SLC6A3: variants seen among roughly 807,000 people sequenced by gnomAD.
The protein encoded by SLC6A3 is sodium-dependent dopamine transporter.
SLC6A3 carries 19 observed loss-of-function variants against 70.4 expected under a neutral mutation model. The ratio of observed to expected loss-of-function variants is 0.27; its 90% CI spans 0.19 to 0.40. The LOEUF (loss-of-function observed/expected upper bound fraction) is 0.40. Among genes scored for constraint, SLC6A3 ranks in the 10% least tolerant of loss-of-function variants. SLC6A3 has a pLI of 1.00. For synonymous variants in SLC6A3, 368 were observed against 356.6 expected, an observed-to-expected ratio of 1.03 and a Z score of -0.36; for missense variants, 613 against 838.5, an observed-to-expected ratio of 0.73 and a Z score of 3.32.
At chr5:1,444,347 C>T (rs910106774) in intron 1 of SLC6A3, among the ~76,000 whole-genome samples, 1 of 152,086 alleles carries the variant, frequency 6.6e-6, no homozygotes, top group East Asian at 1.9e-4. Flanking sequence ...TTCAGTCGAG[C>T]GCACGCACAC....
chr5:1,431,738 G>A (rs460007), intron 4 of SLC6A3, among the ~76,000 whole-genome samples: 47,040 of 150,936 alleles, frequency 0.31, 8,203 homozygotes, highest in East Asian at 0.52. Context: ...GCTGGGGTGG[G>A]CAGTGAGGAA....
Position 1,414,666 on chromosome 5 carries a change from C to A in SLC6A3, c.1156+25G>T, listed in dbSNP as rs759252208. ...CGGCGCTGGTGCTACACGGAGCAGG[C>A]CCAGGTGCAGCAGGAGGGGCTCACC... is the stretch of plus-strand genomic sequence containing the variant. On this transcript the variant is annotated intron_variant, in intron 8 of 14. Transcript: ENST00000270349. 13 of 1,610,894 alleles carry A rather than the reference C, an allele frequency of 8.1e-6. No homozygotes were observed. The Admixed American group carries it at 2.2e-4, about 27-fold the overall frequency.
chr5:1,443,356 C>G (rs1733727809), intron 1 of SLC6A3, 114 bp from the exon 2 acceptor site: 1 of 840,266 alleles, frequency 1.2e-6, no homozygotes, highest in Admixed American at 1.9e-5. Context: ...GGGCATTCCT[C>G]TGGGAAGGGA....
chr5:1,431,048 G>T (rs956917639), intron 4 of SLC6A3, among the ~76,000 whole-genome samples: 1 of 152,036 alleles, frequency 6.6e-6, no homozygotes, highest in African/African-American at 2.4e-5. Flanking sequence ...CACTGGATCT[G>T]GGGAGAATCG....
chr5:1,410,337 C>T (rs1363654652), intron 9 of SLC6A3, among the ~76,000 whole-genome samples: 4 of 152,204 alleles, frequency 2.6e-5, no homozygotes, highest in Non-Finnish European at 5.9e-5. Context: ...ACCTTCTTCA[C>T]CTTGCTCGGT....
intron 3 of SLC6A3, 71 bp from the exon 4 acceptor site, chr5:1,432,769 TC>T: frequency 9.7e-7 from 1 of 1,027,466 alleles, no homozygotes; most frequent in Non-Finnish European, 1.5e-6. Flanking sequence ...ACGTGTCCCT[TC>T]CACCTCCCCT....
chr5:1,440,835 G>C (rs1390526073), intron 3 of SLC6A3, among the ~76,000 whole-genome samples: 1 of 152,216 alleles, frequency 6.6e-6, no homozygotes, highest in East Asian at 1.9e-4. Context: ...TGGACTTCCA[G>C]CCTCCAGAGC....
chr5:1,403,131 C>T (rs773128525), intron 12 of SLC6A3, 42 bp from the exon 13 acceptor site: 29 of 1,603,666 alleles, frequency 1.8e-5, no homozygotes, highest in Non-Finnish European at 2.0e-5. Flanking sequence ...TCTCAGCCGG[C>T]GGTGCCAGGA....
rs997101088 is a variant in SLC6A3 at position 1,406,647 on chromosome 5, C to T, written c.1499-359G>A. On this transcript the variant is annotated intron_variant, in intron 11 of 14. Coordinates refer to ENST00000270349, the MANE Select transcript of SLC6A3 (RefSeq NM_001044.5). This position sits in a 1 kb window ranked among gnomAD's most constrained non-coding sequence, Gnocchi z 8.8. ...CACTTAAAAAGATTATGGTAAAATA[C>T]ACATAACATAAAACTTACCATTTTA... is the stretch of plus-strand genomic sequence containing the variant. 3.3e-5 allele frequency among the ~76,000 whole-genome samples: 5 copies of T among 152,280 alleles called. No homozygotes were observed. The East Asian group carries it at 9.6e-4, about 29-fold the overall frequency.
chr5:1,432,182 C>T (rs556238947), intron 4 of SLC6A3, among the ~76,000 whole-genome samples: 1 of 152,144 alleles, frequency 6.6e-6, no homozygotes, highest in African/African-American at 2.4e-5. Context: ...TCCCCATCAG[C>T]CCCCTCCCAC....
At chr5:1,424,110 G>T (rs187971326) in intron 4 of SLC6A3, among the ~76,000 whole-genome samples, 1 of 152,218 alleles carries the variant, frequency 6.6e-6, no homozygotes, top group Non-Finnish European at 1.5e-5. Context: ...CCTGGAGGGC[G>T]CCCAGGCAGA....
intron 10 of SLC6A3, 101 bp downstream of exon 10, chr5:1,409,620 T>G: frequency 2.9e-6 from 4 of 1,389,672 alleles, no homozygotes; most frequent in Non-Finnish European, 4.1e-6. Context: ...TCCCTGGAAG[T>G]GCTGCGGTTC....
At chr5:1,412,530 C>T (rs27048) in intron 8 of SLC6A3, among the ~76,000 whole-genome samples, 60,542 of 152,156 alleles carry the variant, frequency 0.4, 12,511 homozygotes, top group Middle Eastern at 0.45. Flanking sequence ...CAGGCAGACT[C>T]GGATGGAGGT....
chr5:1,415,940 T>C (rs921282580), intron 7 of SLC6A3, among the ~76,000 whole-genome samples, 158 bp downstream of exon 7: 4 of 152,212 alleles, frequency 2.6e-5, no homozygotes, highest in African/African-American at 9.6e-5. Flanking sequence ...TGTTGGGAGC[T>C]GCCTCGCTGT....
chr5:1,441,018 T>C (rs149472278), intron 3 of SLC6A3, among the ~76,000 whole-genome samples: 22 of 152,288 alleles, frequency 1.4e-4, no homozygotes, highest in African/African-American at 5.1e-4. Context: ...AGATAATGGA[T>C]AGATAGATAA....
chr5:1,414,828 G>C lies in SLC6A3; in HGVS notation c.1032-13C>G. The C allele has an allele frequency of 6.2e-7, 1 of 1,612,828 alleles. No homozygotes were observed. The highest frequency in any genetic ancestry group is 8.5e-7 in the Non-Finnish European group (1 of 1,179,804). ...GACAATCGCGTCCCTGTAAGAACAAGACACGCCGTCTCAGGAACCAGCTGA... is the reference window on the plus strand; with the variant it reads ...GACAATCGCGTCCCTGTAAGAACAACACACGCCGTCTCAGGAACCAGCTGA... On this transcript the variant is annotated splice_polypyrimidine_tract_variant and intron_variant, in intron 7 of 14. Transcript: ENST00000270349.
Position 1,402,915 on chromosome 5 carries a change from T to C in SLC6A3, c.1767+7A>G. On this transcript the variant is annotated splice_region_variant and intron_variant, in intron 13 of 14. Coordinates refer to ENST00000270349, the MANE Select transcript of SLC6A3 (RefSeq NM_001044.5). This position sits in a 1 kb window ranked among gnomAD's most constrained non-coding sequence, Gnocchi z 8.5. ...CTCGGGTGAAGGCGCCCCGTCCAAA[T>C]ACCCACCTCTCGAAAGGACCCAGGC... The C allele has an allele frequency of 6.2e-7, 1 of 1,612,868 alleles. No homozygotes were observed. Among genetic ancestry groups the C allele is most frequent in the Non-Finnish European group, 8.5e-7 (1 of 1,179,952 alleles).
chr5:1,401,299 C>T lies in SLC6A3; in HGVS notation c.1768-313G>A, dbSNP rs1255001387. On this transcript the variant is annotated intron_variant, in intron 13 of 14. Transcript: ENST00000270349. This position sits in a 1 kb window ranked among gnomAD's most constrained non-coding sequence, Gnocchi z 6.1. ...ATAAAACGTGGTCCTGGAGATGGCT[C>T]TTGAGTCTAAGCTACCACGTGTGCT... is the stretch of plus-strand genomic sequence containing the variant. 6.8e-6 allele frequency: 4 copies of T among 585,398 alleles called. No individual in the cohort carries two copies. In the Admixed American group the frequency reaches 8.7e-5, roughly 13 times the overall value. 36.3% of individuals were successfully genotyped at this position (585,398 alleles called of 1,614,324 possible).
chr5:1,397,695 C>A lies in SLC6A3; in HGVS notation c.1840-2937G>T, dbSNP rs565208006. Among the ~76,000 whole-genome samples the A allele has an allele frequency of 6.6e-6, 1 of 152,136 alleles. No homozygotes were observed. Among genetic ancestry groups the A allele is most frequent in the Non-Finnish European group, 1.5e-5 (1 of 68,014 alleles). ...TGAATGAGAGCAGCATAAAGATGTT[C>A]CCACACACCAATAGTGAGGGAGGTT... On this transcript the variant is annotated intron_variant, in intron 14 of 14. Transcript: ENST00000270349. This position sits in a 1 kb window ranked among gnomAD's most constrained non-coding sequence, Gnocchi z 4.7.
Sources: gnomAD v4.1 joint callset for allele counts (sites outside exome capture counted in the v4.1 genomes callset) on GRCh38, gnomAD v4.1.1 for gene constraint, Gnocchi (gnomAD v3.1) non-coding constraint, MANE v1.5 for transcripts, NCBI Gene and HGNC (gene_info 2026-07-23, HGNC 2026-07-21) for gene names.